MBOAT1: variants seen among roughly 807,000 people sequenced by gnomAD.
The protein encoded by MBOAT1 is membrane bound glycerophospholipid O-acyltransferase 1, also known as membrane-bound glycerophospholipid O-acyltransferase 1.
Under a neutral mutation model 64.4 loss-of-function variants are expected in MBOAT1, and 67 were observed. That is an observed-to-expected ratio of 1.04 (90% confidence interval 0.85 to 1.27). The LOEUF is 1.27. Ranked by LOEUF, MBOAT1 falls within the 50% of genes most tolerant of loss-of-function variation. The probability of loss-of-function intolerance (pLI) is 0.00; values close to 1 mark genes in which losing one functional copy is unlikely to be tolerated. For synonymous variants in MBOAT1, 229 were observed against 218.9 expected, an observed-to-expected ratio of 1.05 and a Z score of -0.41; for missense variants, 563 against 604.6, an observed-to-expected ratio of 0.93 and a Z score of 0.72.
chr6:20,141,823 G>A (rs56832440), intron 4 of MBOAT1, among the ~76,000 whole-genome samples: 14,017 of 152,064 alleles, frequency 0.092, 693 homozygotes, highest in African/African-American at 0.13. Flanking sequence ...GGCAGCGGGC[G>A]GATTCTAGTG....
At chr6:20,173,637 G>A (rs1762262437) in intron 1 of MBOAT1, among the ~76,000 whole-genome samples, 1 of 152,170 alleles carries the variant, frequency 6.6e-6, no homozygotes, top group South Asian at 2.1e-4. Flanking sequence ...GGCAGTGCAA[G>A]TATCTTGGAA....
intron 1 of MBOAT1, among the ~76,000 whole-genome samples, chr6:20,153,249 T>C (rs1369951200): frequency 1.3e-5 from 2 of 152,198 alleles, no homozygotes; most frequent in Non-Finnish European, 2.9e-5. Context: ...AAGAAAACTA[T>C]ACCCTCGTGT....
chr6:20,198,835 T>C (rs1581465338), intron 1 of MBOAT1, among the ~76,000 whole-genome samples: 1 of 152,222 alleles, frequency 6.6e-6, no homozygotes, highest in African/African-American at 2.4e-5. Context: ...CCAGCTAAGA[T>C]AAACAGCCAT....
chr6:20,114,302 T>C (rs1380099326), intron 10 of MBOAT1, among the ~76,000 whole-genome samples: 1 of 152,222 alleles, frequency 6.6e-6, no homozygotes, highest in Non-Finnish European at 1.5e-5. Context: ...TTCATTATGA[T>C]AGGCATATCA....
At chr6:20,163,442 CTTCT>C (rs1761922128) in intron 1 of MBOAT1, among the ~76,000 whole-genome samples, 1 of 152,122 alleles carries the variant, frequency 6.6e-6, no homozygotes, top group South Asian at 2.1e-4. Flanking sequence ...GTTTTCATTC[CTTCT>C]GCCTGTATAA....
chr6:20,102,471 A>C, intron 12 of MBOAT1, 59 bp from the exon 13 acceptor site: 2 of 1,411,514 alleles, frequency 1.4e-6, no homozygotes, highest in Non-Finnish European at 2.0e-6. Flanking sequence ...GGGAAACACC[A>C]CCTAATTATA....
chr6:20,175,568 T>G (rs1762318379), intron 1 of MBOAT1, among the ~76,000 whole-genome samples: 1 of 151,926 alleles, frequency 6.6e-6, no homozygotes, highest in Non-Finnish European at 1.5e-5. Flanking sequence ...TGTCTCAGCC[T>G]CCCGAGTAGC....
chr6:20,155,841 A>T (rs888456280), intron 1 of MBOAT1, among the ~76,000 whole-genome samples: 3 of 152,320 alleles, frequency 2.0e-5, no homozygotes, highest in East Asian at 3.9e-4. Flanking sequence ...ACTTTAACTC[A>T]TCAAATATTT....
intron 1 of MBOAT1, among the ~76,000 whole-genome samples, chr6:20,160,816 G>T (rs1168931082): frequency 6.6e-6 from 1 of 152,172 alleles, no homozygotes; most frequent in Non-Finnish European, 1.5e-5. Context: ...CTTTCAAAGG[G>T]ATCCTTTGTT....
intron 1 of MBOAT1, among the ~76,000 whole-genome samples, chr6:20,210,336 AAC>A (rs1763382593): frequency 6.6e-6 from 1 of 152,166 alleles, no homozygotes; most frequent in Admixed American, 6.5e-5. Context: ...AAAGGGAAAA[AAC>A]ACACAAAGCT....
chr6:20,144,752 C>A (rs1761282478), intron 3 of MBOAT1, among the ~76,000 whole-genome samples: 1 of 152,212 alleles, frequency 6.6e-6, no homozygotes, highest in African/African-American at 2.4e-5. Context: ...CTGACCACTT[C>A]ATCTTTAAAC....
chr6:20,175,371 A>G (rs1762310824), intron 1 of MBOAT1, among the ~76,000 whole-genome samples: 2 of 152,090 alleles, frequency 1.3e-5, no homozygotes, highest in South Asian at 2.1e-4. Context: ...TGATCCTTCC[A>G]TCTCAGCCTC....
intron 1 of MBOAT1, among the ~76,000 whole-genome samples, chr6:20,191,196 G>T (rs1249861878): frequency 6.6e-6 from 1 of 152,112 alleles, no homozygotes; most frequent in Non-Finnish European, 1.5e-5. Context: ...AAGCAAGTCT[G>T]GCCCCTGGTG....
At chr6:20,168,507 G>GAA (rs1398882520) in intron 1 of MBOAT1, among the ~76,000 whole-genome samples, 65 of 132,716 alleles carry the variant, frequency 4.9e-4, no homozygotes, top group African/African-American at 8.4e-4. Context: ...GAGAGAGAGA[G>GAA]GAGAGGAGAG....
chr6:20,208,253 C>T (rs961696789), intron 1 of MBOAT1, among the ~76,000 whole-genome samples: 48 of 151,794 alleles, frequency 3.2e-4, no homozygotes, highest in Non-Finnish European at 1.0e-4. Context: ...CGAGACCAGC[C>T]TGACCAAGAT....
At chr6:20,121,463 G>A (rs78947343) in intron 8 of MBOAT1, among the ~76,000 whole-genome samples, 9 of 152,214 alleles carry the variant, frequency 5.9e-5, no homozygotes, top group Admixed American at 2.0e-4. Flanking sequence ...GGAAGCATGG[G>A]GGGGAGTAAA....
intron 5 of MBOAT1, among the ~76,000 whole-genome samples, chr6:20,130,622 G>A (rs1230038519): frequency 1.3e-5 from 2 of 151,826 alleles, no homozygotes; most frequent in South Asian, 2.1e-4. Context: ...CAAAGTGCTG[G>A]GATTACAGGT....
At position 20,118,521 on chromosome 6, in the gene MBOAT1, T is replaced by C. The variant is rs762552153; in HGVS notation, c.927A>G (p.Ala309=). Residue 309 remains alanine (A), a synonymous_variant, in exon 9 of 13, where the codon GCA becomes GCG. Transcript: ENST00000324607. ...CCACTCCGCTGAACCCAAAGCCAGC[T>C]GCGTTATTCACTGCATCAGCTATGG... ...AWTLADAVNN[A]AGFGFSGVDK... 1 of 1,613,894 alleles carries C rather than the reference T, an allele frequency of 6.2e-7. No homozygotes were observed. The highest frequency in any genetic ancestry group is 8.5e-7 in the Non-Finnish European group (1 of 1,179,966).
intron 11 of MBOAT1, among the ~76,000 whole-genome samples, 153 bp from the exon 12 acceptor site, chr6:20,109,902 C>CTTTTTTTT (rs1158455991): frequency 7.4e-5 from 7 of 94,140 alleles, no homozygotes; most frequent in East Asian, 3.3e-4. Flanking sequence ...ACCATCAGGA[C>CTTTTTTTT]TTTTTTTTTT....
Sources: gnomAD v4.1 joint callset for allele counts (sites outside exome capture counted in the v4.1 genomes callset) on GRCh38, gnomAD v4.1.1 for gene constraint, MANE v1.5 for transcripts, NCBI Gene and HGNC (gene_info 2026-07-23, HGNC 2026-07-21) for gene names.